Variants in NKAIN3 observed in about 807,000 individuals in gnomAD.
The protein encoded by NKAIN3 is sodium/potassium transporting ATPase interacting 3.
In NKAIN3, 25 loss-of-function variants were observed where a neutral mutation model predicts 30.2. The observed-to-expected ratio is 0.83, with a 90% CI of 0.60 to 1.16. The LOEUF (loss-of-function observed/expected upper bound fraction) is 1.16. Ranked by LOEUF, NKAIN3 falls within the 50% of genes most tolerant of loss-of-function variation. The pLI is 0.00. For synonymous variants in NKAIN3, 91 were observed against 89.6 expected (o/e 1.02, Z -0.09); for missense variants, 225 against 254.1 (o/e 0.89, Z 0.78).
intron 3 of NKAIN3, among the ~76,000 whole-genome samples, chr8:62,686,997 TG>T (rs761587661): frequency 2.6e-5 from 4 of 152,208 alleles, no homozygotes; most frequent in Non-Finnish European, 5.9e-5. Context: ...CTAATTTACT[TG>T]TATCAAACAA....
chr8:62,432,649 A>C (rs1382437767), intron 1 of NKAIN3, among the ~76,000 whole-genome samples: 1 of 152,098 alleles, frequency 6.6e-6, no homozygotes, highest in Non-Finnish European at 1.5e-5. Flanking sequence ...GCTATGGAAG[A>C]GATGCATCCC....
At chr8:62,332,659 G>A (rs1354187307) in intron 1 of NKAIN3, among the ~76,000 whole-genome samples, 3 of 152,106 alleles carry the variant, frequency 2.0e-5, no homozygotes, top group African/African-American at 7.2e-5. Flanking sequence ...TGTGATCCTA[G>A]ATTTGCAATC....
chr8:62,648,464 A>C (rs1176356665), intron 3 of NKAIN3, among the ~76,000 whole-genome samples: 1 of 152,142 alleles, frequency 6.6e-6, no homozygotes, highest in Non-Finnish European at 1.5e-5. Context: ...CTACACGCTA[A>C]CCCCTTATGG....
intron 1 of NKAIN3, among the ~76,000 whole-genome samples, chr8:62,303,020 T>C (rs1330524869): frequency 6.7e-6 from 1 of 150,102 alleles, no homozygotes; most frequent in East Asian, 1.9e-4. Flanking sequence ...AGGGGATGAG[T>C]ATATAAGGAG....
Position 62,308,178 on chromosome 8 carries a change from A to T in NKAIN3, c.54+59051A>T, listed in dbSNP as rs539160427. Among the ~76,000 whole-genome samples the T allele has an allele frequency of 2.1e-4, 32 of 150,664 alleles. 3 individuals are homozygous for T. The highest frequency in any genetic ancestry group is 7.7e-4 in the African/African-American group (31 of 40,038). ...ATATTTAAATAAAATGATACCTTTTAATTACTTTTTCTTGAGGATAACTCT... is the reference window on the plus strand; with the variant it reads ...ATATTTAAATAAAATGATACCTTTTTATTACTTTTTCTTGAGGATAACTCT... On this transcript the variant is annotated intron_variant, in intron 1 of 6. Transcript: ENST00000623646.
intron 1 of NKAIN3, among the ~76,000 whole-genome samples, chr8:62,544,693 T>C (rs1808952728): frequency 6.7e-6 from 1 of 149,352 alleles, no homozygotes; most frequent in African/African-American, 2.4e-5. Context: ...GACATCCTTC[T>C]AAGTGTTTAC....
At chr8:62,587,534 G>T (rs1810515620) in intron 2 of NKAIN3, among the ~76,000 whole-genome samples, 1 of 151,916 alleles carries the variant, frequency 6.6e-6, no homozygotes, top group Non-Finnish European at 1.5e-5. Context: ...TGGTTATCTT[G>T]CCATGAATCT....
At chr8:62,336,976 A>T (rs750827698) in intron 1 of NKAIN3, among the ~76,000 whole-genome samples, 15 of 152,134 alleles carry the variant, frequency 9.9e-5, no homozygotes, top group Non-Finnish European at 1.9e-4. Flanking sequence ...AGAGAACCCA[A>T]GAAGGCTAAC....
intron 1 of NKAIN3, among the ~76,000 whole-genome samples, chr8:62,507,527 G>A (rs980704914): frequency 6.6e-6 from 1 of 152,110 alleles, no homozygotes; most frequent in Non-Finnish European, 1.5e-5. Context: ...TTGTTTTGGA[G>A]AATGCATGAC....
intron 1 of NKAIN3, among the ~76,000 whole-genome samples, chr8:62,387,723 C>A (rs1789028366): frequency 6.6e-6 from 1 of 152,128 alleles, no homozygotes; most frequent in South Asian, 2.1e-4. Context: ...GTCACTTAAC[C>A]ACGTTCCTTA....
chr8:62,574,758 A>T (rs555279907), intron 1 of NKAIN3, among the ~76,000 whole-genome samples: 1 of 152,120 alleles, frequency 6.6e-6, no homozygotes, highest in Non-Finnish European at 1.5e-5. Context: ...GTGAGATCAT[A>T]TCTTATTGTA....
intron 1 of NKAIN3, among the ~76,000 whole-genome samples, chr8:62,258,512 A>G (rs1300760689): frequency 6.6e-6 from 1 of 151,254 alleles, no homozygotes; most frequent in African/African-American, 2.4e-5. Flanking sequence ...TAAAATATAG[A>G]TGGTTGTGGT....
At chr8:62,629,552 A>T (rs749676725) in intron 3 of NKAIN3, among the ~76,000 whole-genome samples, 36 of 152,256 alleles carry the variant, frequency 2.4e-4, no homozygotes, top group Admixed American at 7.2e-4. Context: ...TAGTAAAATC[A>T]CCAAGAACAA....
At position 62,249,084 on chromosome 8, in the gene NKAIN3, G is replaced by A; in HGVS notation, c.11G>A (p.Cys4Tyr). MGC[C>Y]TGRCSLICLC... ...GACGCCGCCGGCACCATGGGCTGCT[G>A]CACCGGACGCTGCTCGCTCATCTGC... Residue 4 changes from cysteine (C) to tyrosine (Y), a missense_variant, in exon 1 of 7, where the codon TGC becomes TAC. Transcript: ENST00000623646. The A allele has an allele frequency of 1.3e-6, 2 of 1,538,236 alleles. No individual in the cohort carries two copies. The highest frequency in any genetic ancestry group is 8.7e-7 in the Non-Finnish European group (1 of 1,143,978).
intron 4 of NKAIN3, among the ~76,000 whole-genome samples, chr8:62,880,983 ACT>A (rs551907541): frequency 6.0e-4 from 91 of 152,210 alleles, no homozygotes; most frequent in African/African-American, 2.1e-3. Context: ...GTTTATGGAA[ACT>A]CTCTGTACTT....
intron 4 of NKAIN3, among the ~76,000 whole-genome samples, chr8:62,901,455 G>A (rs963807531): frequency 2.0e-5 from 3 of 152,134 alleles, no homozygotes; most frequent in Non-Finnish European, 4.4e-5. Flanking sequence ...AAAAAGAAGA[G>A]AGAGAGAGTG....
intron 1 of NKAIN3, among the ~76,000 whole-genome samples, chr8:62,306,661 G>A (rs910178628): frequency 6.7e-6 from 1 of 148,900 alleles, no homozygotes; most frequent in African/African-American, 2.6e-5. Context: ...AGAGTCAGAA[G>A]GTCAAATTTT....
intron 1 of NKAIN3, among the ~76,000 whole-genome samples, chr8:62,484,346 G>A (rs1205470055): frequency 6.6e-6 from 1 of 152,194 alleles, no homozygotes. Context: ...CACTAGGTAA[G>A]TATCTACTCA....
chr8:62,378,386 C>CATTTTCTAGGG (rs1817163630), intron 1 of NKAIN3, among the ~76,000 whole-genome samples: 1 of 152,146 alleles, frequency 6.6e-6, no homozygotes, highest in Non-Finnish European at 1.5e-5. Flanking sequence ...AAGCCAGCTG[C>CATTTTCTAGGG]AGAAATTTGC....
Sources: gnomAD v4.1 joint callset for allele counts (sites outside exome capture counted in the v4.1 genomes callset) on GRCh38, gnomAD v4.1.1 for gene constraint, MANE v1.5 for transcripts, NCBI Gene and HGNC (gene_info 2026-07-23, HGNC 2026-07-21) for gene names.